Variants in NRXN1 observed in about 807,000 individuals in gnomAD.
NRXN1 encodes neurexin-1.
A neutral mutation model predicts 150.9 loss-of-function variants in NRXN1; 39 were observed. The observed-to-expected ratio is 0.26, with a 90% confidence interval of 0.20 to 0.34. The LOEUF is 0.34. Among genes scored for constraint, NRXN1 ranks in the 10% least tolerant of loss-of-function variants. The pLI, the probability that NRXN1 is intolerant of heterozygous loss-of-function variation, is 1.00. For synonymous variants in NRXN1, 924 were observed against 757.0 expected (o/e 1.22, Z -3.62); for missense variants, 1,815 against 1,949.9 (o/e 0.93, Z 1.30).
At chr2:50,846,692 T>C (rs892195350) in intron 5 of NRXN1, among the ~76,000 whole-genome samples, 3 of 152,164 alleles carry the variant, frequency 2.0e-5, no homozygotes, top group African/African-American at 7.2e-5. Flanking sequence ...AAGCAACAAT[T>C]CAAAACCAAA....
chr2:50,153,402 T>TG (rs145185527), intron 18 of NRXN1, among the ~76,000 whole-genome samples: 3,619 of 151,664 alleles, frequency 0.024, 142 homozygotes, highest in African/African-American at 0.083. Context: ...TAATTTTTTT[T>TG]TTGTTGAAAA....
chr2:50,835,887 C>A (rs1436627015), intron 5 of NRXN1, among the ~76,000 whole-genome samples: 1 of 152,034 alleles, frequency 6.6e-6, no homozygotes, highest in Admixed American at 6.6e-5. Flanking sequence ...CTTTGCTGAG[C>A]CTCATTTTCT....
chr2:50,929,525 T>G (rs1282105155), intron 2 of NRXN1, among the ~76,000 whole-genome samples: 1 of 152,000 alleles, frequency 6.6e-6, no homozygotes, highest in Non-Finnish European at 1.5e-5. Context: ...CTGGCTCCCC[T>G]CATTTTCCTT....
intron 15 of NRXN1, among the ~76,000 whole-genome samples, chr2:50,482,990 G>A (rs2090585365): frequency 7.0e-6 from 1 of 142,854 alleles, no homozygotes; most frequent in African/African-American, 2.6e-5. Context: ...GGCAGTGGTT[G>A]CAGTGAGCCA....
intron 18 of NRXN1, among the ~76,000 whole-genome samples, chr2:50,164,364 A>G (rs952438119): frequency 6.6e-6 from 1 of 152,228 alleles, no homozygotes; most frequent in Admixed American, 6.5e-5. Flanking sequence ...TGCATAAGAT[A>G]CACAAAGTTT....
chr2:50,571,977 G>A (rs893114669), intron 8 of NRXN1, among the ~76,000 whole-genome samples: 3 of 152,088 alleles, frequency 2.0e-5, no homozygotes, highest in Non-Finnish European at 2.9e-5. Context: ...TCGATTTTTG[G>A]CAGGGTACTC....
chr2:50,048,029 G>C (rs1367392280), intron 21 of NRXN1, among the ~76,000 whole-genome samples: 1 of 151,762 alleles, frequency 6.6e-6, no homozygotes, highest in East Asian at 1.9e-4. Context: ...AGACCCCAAA[G>C]AAAATGCACC....
chr2:50,024,562 G>C lies in NRXN1; in HGVS notation c.4128+28709C>G, dbSNP rs543693277. 1.3e-4 allele frequency among the ~76,000 whole-genome samples: 20 copies of C among 152,158 alleles called. No individual in the cohort carries two copies. In the South Asian group the frequency reaches 3.9e-3, roughly 30 times the overall value. On this transcript the variant is annotated intron_variant, in intron 21 of 22. Coordinates refer to ENST00000401669, the MANE Select transcript of NRXN1 (RefSeq NM_001330078.2). The stretch of plus-strand genomic sequence containing the variant: ...CTGTGGCTAAAGAATTAAAGTTTGA[G>C]TGCAGAGAATCAGGTTTTAGTCCCA...
intron 18 of NRXN1, among the ~76,000 whole-genome samples, chr2:50,139,826 GA>G (rs1279288631): frequency 1.3e-5 from 2 of 151,926 alleles, no homozygotes. Context: ...AGTCATCAAG[GA>G]AAAAATATGA....
intron 5 of NRXN1, among the ~76,000 whole-genome samples, chr2:50,863,153 C>T (rs183695958): frequency 1.3e-5 from 2 of 152,088 alleles, no homozygotes; most frequent in African/African-American, 4.8e-5. Context: ...TAGAAAGTTA[C>T]ACTAACAGCT....
chr2:49,986,116 T>C (rs1680861776), intron 21 of NRXN1, among the ~76,000 whole-genome samples: 1 of 152,178 alleles, frequency 6.6e-6, no homozygotes, highest in Non-Finnish European at 1.5e-5. Context: ...TCGATCTAAA[T>C]GAAGTGATAA....
At chr2:51,004,812 G>T (rs1197308548) in intron 2 of NRXN1, among the ~76,000 whole-genome samples, 1 of 151,930 alleles carries the variant, frequency 6.6e-6, no homozygotes, top group Non-Finnish European at 1.5e-5. Context: ...GAATTTTCTT[G>T]TGCCAAGGTT....
At chr2:50,015,275 C>T (rs1323835692) in intron 21 of NRXN1, among the ~76,000 whole-genome samples, 4 of 151,868 alleles carry the variant, frequency 2.6e-5, no homozygotes, top group Admixed American at 2.6e-4. Flanking sequence ...TAGAGCTGTT[C>T]CATGTTCCTT....
intron 13 of NRXN1, among the ~76,000 whole-genome samples, chr2:50,499,007 A>G (rs924563519): frequency 6.6e-6 from 1 of 152,220 alleles, no homozygotes; most frequent in Non-Finnish European, 1.5e-5. Context: ...CCCAGGGGTA[A>G]TGAAGACTGA....
chr2:50,140,287 C>G (rs925447330), intron 18 of NRXN1, among the ~76,000 whole-genome samples: 3 of 152,172 alleles, frequency 2.0e-5, no homozygotes, highest in Admixed American at 2.0e-4. Context: ...AATGTATATT[C>G]TCTAGACTTG....
chr2:50,193,763 T>C (rs1449586062), intron 18 of NRXN1, among the ~76,000 whole-genome samples: 1 of 152,162 alleles, frequency 6.6e-6, no homozygotes, highest in Admixed American at 6.6e-5. Flanking sequence ...GGCATAATTA[T>C]ATTCTTTTAA....
At chr2:50,965,449 A>G (rs2104733254) in intron 2 of NRXN1, among the ~76,000 whole-genome samples, 1 of 151,640 alleles carries the variant, frequency 6.6e-6, no homozygotes, top group South Asian at 2.1e-4. Context: ...TTTGCAAAAT[A>G]ACCGTTTGAT....
intron 18 of NRXN1, among the ~76,000 whole-genome samples, chr2:50,124,031 A>G (rs1704227947): frequency 6.6e-6 from 1 of 152,122 alleles, no homozygotes; most frequent in Non-Finnish European, 1.5e-5. Context: ...CTATAAATAG[A>G]AAAAGGAAGA....
intron 18 of NRXN1, among the ~76,000 whole-genome samples, chr2:50,170,910 C>T (rs2059992896): frequency 6.6e-6 from 1 of 152,028 alleles, no homozygotes; most frequent in Non-Finnish European, 1.5e-5. Context: ...CAGTAGCCTA[C>T]TGTTGACCAG....
Sources: allele counts gnomAD v4.1 joint callset (sites outside exome capture counted in the v4.1 genomes callset), GRCh38; gene constraint gnomAD v4.1.1; transcripts MANE v1.5; gene names NCBI Gene and HGNC (gene_info 2026-07-23, HGNC 2026-07-21).